The following FAM107B variants were observed in gnomAD, a reference collection of about 807,000 sequenced individuals.
The protein encoded by FAM107B is protein FAM107B.
A neutral mutation model predicts 31.5 loss-of-function variants in FAM107B; 21 were observed. The ratio of observed to expected loss-of-function variants is 0.67; its 90% CI spans 0.47 to 0.96. The LOEUF is 0.96. Among genes scored for constraint, FAM107B ranks in the 40% least tolerant of loss-of-function variants. The pLI, the probability that FAM107B is intolerant of heterozygous loss-of-function variation, is 0.00. For synonymous variants in FAM107B, 157 were observed against 141.5 expected (o/e 1.11, Z -0.78); for missense variants, 452 against 377.1 (o/e 1.20, Z -1.64).
intron 2 of FAM107B, among the ~76,000 whole-genome samples, chr10:14,538,917 G>C (rs919154858): frequency 5.3e-5 from 8 of 152,274 alleles, no homozygotes; most frequent in Admixed American, 5.2e-4. Flanking sequence ...TATTTAACCT[G>C]AGTCTTGATT....
chr10:14,698,563 C>T (rs997512959), intron 1 of FAM107B, among the ~76,000 whole-genome samples: 1 of 152,138 alleles, frequency 6.6e-6, no homozygotes, highest in East Asian at 1.9e-4. Flanking sequence ...ATATAGCAGC[C>T]CCTTGAGAAA....
intron 1 of FAM107B, among the ~76,000 whole-genome samples, chr10:14,703,215 CT>C (rs1224919410): frequency 6.6e-6 from 1 of 152,066 alleles, no homozygotes; most frequent in African/African-American, 2.4e-5. Flanking sequence ...AATCATCAGC[CT>C]TTGTCAGTTG....
chr10:14,691,893 C>CAAAAAAAA (rs58734762), intron 1 of FAM107B, among the ~76,000 whole-genome samples: 1 of 129,202 alleles, frequency 7.7e-6, no homozygotes, highest in African/African-American at 3.0e-5. Flanking sequence ...GACTCTGTCA[C>CAAAAAAAA]AAAAAAAAAA....
At chr10:14,737,794 C>CTCTCTCTCTCTCTCTCTCTCTCTT (rs1856340111) in intron 1 of FAM107B, among the ~76,000 whole-genome samples, 1 of 151,286 alleles carries the variant, frequency 6.6e-6, no homozygotes, top group Non-Finnish European at 1.5e-5. Flanking sequence ...CTCTCTCTCT[C>CTCTCTCTCTCTCTCTCTCTCTCTT]TCTCTCCTTC....
chr10:14,555,428 AATC>A (rs1275962502), intron 2 of FAM107B, among the ~76,000 whole-genome samples: 1 of 152,236 alleles, frequency 6.6e-6, no homozygotes, highest in Non-Finnish European at 1.5e-5. Flanking sequence ...ATGAACTTGG[AATC>A]ATACTCCCAC....
intron 1 of FAM107B, among the ~76,000 whole-genome samples, chr10:14,719,527 G>A (rs927151871): frequency 5.3e-5 from 8 of 152,242 alleles, no homozygotes; most frequent in African/African-American, 1.7e-4. Context: ...GGGAACACAC[G>A]CCGGTCATTT....
At chr10:14,598,072 T>C (rs1852245044) in intron 2 of FAM107B, among the ~76,000 whole-genome samples, 1 of 152,256 alleles carries the variant, frequency 6.6e-6, no homozygotes, top group Admixed American at 6.5e-5. Context: ...TTCTCAGATA[T>C]TAACCCCTTA....
At chr10:14,534,536 G>A (rs1418195448) in intron 2 of FAM107B, among the ~76,000 whole-genome samples, 2 of 152,260 alleles carry the variant, frequency 1.3e-5, no homozygotes, top group South Asian at 2.1e-4. Context: ...CGATCAAGCT[G>A]AAACAAATGT....
intron 2 of FAM107B, among the ~76,000 whole-genome samples, chr10:14,536,739 A>T (rs1403164963): frequency 1.3e-5 from 2 of 152,182 alleles, no homozygotes; most frequent in African/African-American, 4.8e-5. Flanking sequence ...CAGAGTCATC[A>T]GCGTAAGTGC....
intron 1 of FAM107B, among the ~76,000 whole-genome samples, chr10:14,753,942 C>CTTTTT (rs199813069): frequency 7.5e-6 from 1 of 134,138 alleles, no homozygotes. Context: ...TCTTTTTTTT[C>CTTTTT]TTTTTTTTTT....
At chr10:14,620,474 G>T (rs2131401893) in intron 2 of FAM107B, among the ~76,000 whole-genome samples, 1 of 151,986 alleles carries the variant, frequency 6.6e-6, no homozygotes, top group Non-Finnish European at 1.5e-5. Context: ...GTTGTACTAG[G>T]CCCTTTGCTT....
intron 1 of FAM107B, among the ~76,000 whole-genome samples, chr10:14,689,945 C>T (rs533836946): frequency 1.8e-4 from 27 of 148,382 alleles, no homozygotes; most frequent in African/African-American, 6.4e-4. Flanking sequence ...GCCTCGGTGA[C>T]AGACTCTGCC....
At chr10:14,700,026 G>T (rs781120205) in intron 1 of FAM107B, among the ~76,000 whole-genome samples, 3 of 152,002 alleles carry the variant, frequency 2.0e-5, no homozygotes, top group Non-Finnish European at 4.4e-5. Flanking sequence ...TCCACCTCCC[G>T]GGTGCAAGCG....
intron 2 of FAM107B, among the ~76,000 whole-genome samples, chr10:14,579,200 T>C (rs1249233965): frequency 6.6e-6 from 1 of 152,220 alleles, no homozygotes; most frequent in East Asian, 1.9e-4. Context: ...GAAAATTAAT[T>C]TTTTTAAATG....
intron 1 of FAM107B, among the ~76,000 whole-genome samples, chr10:14,704,534 C>T (rs1447833230): frequency 6.6e-6 from 1 of 152,220 alleles, no homozygotes; most frequent in African/African-American, 2.4e-5. Context: ...CCAGCCAAGA[C>T]TGGGCAGCCT....
rs71505032 is a variant in FAM107B, at chr10:14,626,499, C to CTTTTTTTTT, written c.469+41134_469+41135insAAAAAAAAA. On this transcript the variant is annotated intron_variant, in intron 2 of 4. Transcript: ENST00000181796. ...ACAAACTGTGGAATTTGAGGCGGAT[C>CTTTTTTTTT]TTTTTTTTCTTTTTTTTTTTTTGAG... Among the ~76,000 whole-genome samples, 2 of 109,042 alleles carry CTTTTTTTTT rather than the reference C, an allele frequency of 1.8e-5. 1 individual carries two copies. Among genetic ancestry groups the CTTTTTTTTT allele is most frequent in the African/African-American group, 6.6e-5 (2 of 30,100 alleles). 71.5% of individuals were successfully genotyped at this position (109,042 alleles called of 152,430 possible).
At chr10:14,589,597 C>A (rs890076188) in intron 2 of FAM107B, among the ~76,000 whole-genome samples, 6 of 151,948 alleles carry the variant, frequency 3.9e-5, no homozygotes, top group African/African-American at 7.3e-5. Context: ...AAATGAATGA[C>A]TGAATGAATC....
intron 1 of FAM107B, among the ~76,000 whole-genome samples, chr10:14,717,886 C>A (rs1324900119): frequency 6.6e-6 from 1 of 152,176 alleles, no homozygotes; most frequent in Non-Finnish European, 1.5e-5. Context: ...GAATGCACCA[C>A]TGTACCATTT....
Position 14,741,715 on chromosome 10 carries a change from C to CTTTTTTTT in FAM107B, c.411+32530_411+32537dup, listed in dbSNP as rs769614377. 1.2e-4 allele frequency among the ~76,000 whole-genome samples: 14 copies of CTTTTTTTT among 114,432 alleles called. 1 individual carries two copies. The highest frequency in any genetic ancestry group is 3.0e-4 in the South Asian group (1 of 3,330). 75.1% of individuals were successfully genotyped at this position (114,432 alleles called of 152,430 possible). A position where few individuals can be genotyped will look rare whatever the true frequency, so the allele number is the denominator to read the frequency against. On this transcript the variant is annotated intron_variant, in intron 1 of 4. Transcript: ENST00000181796. ...TCCTCGACTTTCCATGCATAACTCC[C>CTTTTTTTT]TTTTTTTTTTTTTTTTTTTTTTTGA... is the stretch of plus-strand genomic sequence containing the variant.
Sources: gnomAD v4.1 joint callset for allele counts (sites outside exome capture counted in the v4.1 genomes callset) on GRCh38, gnomAD v4.1.1 for gene constraint, MANE v1.5 for transcripts, NCBI Gene and HGNC (gene_info 2026-07-23, HGNC 2026-07-21) for gene names.